ANO3: variants seen among roughly 807,000 people sequenced by gnomAD.
The protein encoded by ANO3 is anoctamin 3.
In ANO3, 99 loss-of-function variants were observed where a neutral mutation model predicts 144.8. The observed-to-expected ratio is 0.68, with a 90% CI of 0.58 to 0.81. The LOEUF is 0.81. Ranked by LOEUF, ANO3 falls within the 30% of genes least tolerant of loss-of-function variation. ANO3 has a pLI of 0.00. For missense variants in ANO3, 905 were observed against 1,202.2 expected (o/e 0.75, Z 3.66); for synonymous variants, 414 against 392.6 (o/e 1.05, Z -0.64).
At chr11:26,573,306 G>C (rs1850898565) in intron 14 of ANO3, among the ~76,000 whole-genome samples, 1 of 152,094 alleles carries the variant, frequency 6.6e-6, no homozygotes, top group Non-Finnish European at 1.5e-5. Context: ...AGTTTGATTA[G>C]AAATTAAACC....
At chr11:26,435,305 G>A (rs1858255343) in intron 1 of ANO3, among the ~76,000 whole-genome samples, 1 of 152,196 alleles carries the variant, frequency 6.6e-6, no homozygotes. Flanking sequence ...GCCTGATGGA[G>A]TTCCCTTTGT....
chr11:26,643,168 C>T lies in ANO3; in HGVS notation c.2276-14C>T, dbSNP rs371341201. The T allele has an allele frequency of 5.0e-6, 8 of 1,612,704 alleles. No homozygotes were observed. The highest frequency in any genetic ancestry group is 6.8e-6 in the Non-Finnish European group (8 of 1,179,422). ...AAGTTTATATAGTAATTTCCTAATG[C>T]TCTTCTTTTGCAGTTTTGCAATTTG... On this transcript the variant is annotated splice_polypyrimidine_tract_variant and intron_variant, in intron 22 of 26. Transcript: ENST00000256737.
chr11:26,191,387 A>G (rs183278384), intron 1 of ANO3, among the ~76,000 whole-genome samples: 71 of 152,014 alleles, frequency 4.7e-4, no homozygotes, highest in African/African-American at 1.6e-3. Context: ...TCACTGACTG[A>G]CTGGCTGAGG....
intron 1 of ANO3, among the ~76,000 whole-genome samples, chr11:26,192,893 A>G (rs1851505175): frequency 6.6e-6 from 1 of 152,120 alleles, no homozygotes; most frequent in African/African-American, 2.4e-5. Flanking sequence ...AAAAATAAGT[A>G]ATCAGTAACT....
At chr11:26,345,482 G>A (rs1855476333) in intron 1 of ANO3, among the ~76,000 whole-genome samples, 1 of 152,174 alleles carries the variant, frequency 6.6e-6, no homozygotes, top group Non-Finnish European at 1.5e-5. Context: ...GAATCCAGAG[G>A]CAGCAGTTGC....
intron 1 of ANO3, among the ~76,000 whole-genome samples, chr11:26,367,809 G>A (rs1856135282): frequency 6.6e-6 from 1 of 152,196 alleles, no homozygotes. Flanking sequence ...AGTGGCACAA[G>A]GGGAAGGGGA....
intron 1 of ANO3, among the ~76,000 whole-genome samples, chr11:26,265,214 A>C (rs1235840386): frequency 6.6e-6 from 1 of 152,166 alleles, no homozygotes; most frequent in Non-Finnish European, 1.5e-5. Context: ...CTCTGTACAA[A>C]ACATTTCAAC....
chr11:26,442,598 A>T (rs1388370469), intron 2 of ANO3, among the ~76,000 whole-genome samples: 1 of 152,186 alleles, frequency 6.6e-6, no homozygotes, highest in African/African-American at 2.4e-5. Context: ...AATTTTAGAG[A>T]CATACCAGCA....
At chr11:26,471,759 G>T (rs1231920263) in intron 4 of ANO3, among the ~76,000 whole-genome samples, 2 of 151,818 alleles carry the variant, frequency 1.3e-5, no homozygotes, top group Non-Finnish European at 2.9e-5. Flanking sequence ...TTCCCAGAAA[G>T]ACTATAAGGG....
chr11:26,291,362 A>T (rs1301985533), intron 1 of ANO3, among the ~76,000 whole-genome samples: 1 of 152,154 alleles, frequency 6.6e-6, no homozygotes. Flanking sequence ...CCCTTTATCC[A>T]ATTTGCCAGT....
intron 3 of ANO3, among the ~76,000 whole-genome samples, chr11:26,460,420 G>GC (rs1302748613): frequency 2.3e-4 from 2 of 8,588 alleles, no homozygotes; most frequent in Admixed American, 2.8e-3. Context: ...GAAGAAGAAA[G>GC]GGGGGGGGGC....
intron 14 of ANO3, chr11:26,560,721 A>T (rs542679327): frequency 7.8e-4 from 139 of 177,766 alleles, no homozygotes; most frequent in African/African-American, 3.2e-3. Flanking sequence ...TTGTTTTAGA[A>T]TTTTTTGGTG....
chr11:26,634,632 T>G (rs920262961), intron 19 of ANO3, among the ~76,000 whole-genome samples: 2 of 152,224 alleles, frequency 1.3e-5, no homozygotes, highest in African/African-American at 2.4e-5. Context: ...ATTAAACTAA[T>G]GATTCTGCTT....
chr11:26,422,892 T>A (rs1004510893), intron 1 of ANO3, among the ~76,000 whole-genome samples: 2 of 151,960 alleles, frequency 1.3e-5, no homozygotes, highest in Non-Finnish European at 2.9e-5. Flanking sequence ...GGATATCAGA[T>A]TTTCAGTTTA....
intron 18 of ANO3, among the ~76,000 whole-genome samples, chr11:26,625,656 T>C (rs1852560826): frequency 6.6e-6 from 1 of 152,172 alleles, no homozygotes; most frequent in African/African-American, 2.4e-5. Context: ...TTGCCAAGAC[T>C]CTAAATTTTC....
intron 14 of ANO3, chr11:26,565,526 G>T: frequency 6.2e-7 from 1 of 1,613,410 alleles, no homozygotes; most frequent in Non-Finnish European, 8.5e-7. Flanking sequence ...TATGGATCAA[G>T]GGAGGGCTTG....
At chr11:26,293,556 T>C (rs947674421) in intron 1 of ANO3, among the ~76,000 whole-genome samples, 15 of 135,166 alleles carry the variant, frequency 1.1e-4, no homozygotes, top group African/African-American at 3.9e-4. Context: ...TATATATATA[T>C]ATATATATAT....
At chr11:26,239,835 G>A (rs1388310742) in intron 1 of ANO3, among the ~76,000 whole-genome samples, 1 of 152,156 alleles carries the variant, frequency 6.6e-6, no homozygotes, top group Admixed American at 6.5e-5. Context: ...GGCAATTTAT[G>A]TTTCTCCATA....
intron 4 of ANO3, among the ~76,000 whole-genome samples, chr11:26,471,100 G>A (rs1161836434): frequency 1.3e-5 from 2 of 151,872 alleles, no homozygotes; most frequent in Non-Finnish European, 2.9e-5. Flanking sequence ...ATGACATTAG[G>A]TAGTAATACT....
Sources: gnomAD v4.1 joint callset for allele counts (sites outside exome capture counted in the v4.1 genomes callset) on GRCh38, gnomAD v4.1.1 for gene constraint, MANE v1.5 for transcripts, NCBI Gene and HGNC (gene_info 2026-07-23, HGNC 2026-07-21) for gene names.